PRTG: variants seen among roughly 807,000 people sequenced by gnomAD.
The protein encoded by PRTG is protogenin, also known as immunoglobulin superfamily, DCC subclass, member 5.
A neutral mutation model predicts 122.5 loss-of-function variants in PRTG; 67 were observed. The observed-to-expected ratio is 0.55, with a 90% CI of 0.45 to 0.67. The LOEUF (loss-of-function observed/expected upper bound fraction) is 0.67, where lower values mean the gene tolerates loss of function less well. Among genes scored for constraint, PRTG ranks in the 30% least tolerant of loss-of-function variants. The probability of loss-of-function intolerance (pLI) is 0.00; values close to 1 mark genes in which losing one functional copy is unlikely to be tolerated. For missense variants in PRTG, 1,435 were observed against 1,415.4 expected (o/e 1.01, Z -0.22); for synonymous variants, 554 against 501.1 (o/e 1.11, Z -1.41).
At chr15:55,642,600 A>C (rs1211228586) in intron 11 of PRTG, among the ~76,000 whole-genome samples, 4 of 145,668 alleles carry the variant, frequency 2.7e-5, no homozygotes, top group Non-Finnish European at 6.0e-5. Context: ...TCCATCTCAA[A>C]AAAAAAAAAA....
In PRTG at chr15:55,637,054, A is replaced by C. The variant is rs571074263; in HGVS notation, c.2623+116T>G. ...CCTTTGAACAAAGCCAAAATCTTTT[A>C]TTACTTCATACATAAAAATGTAAAT... On this transcript the variant is annotated intron_variant, in intron 15 of 19. Transcript: ENST00000389286. 13 of 909,058 alleles carry C rather than the reference A, an allele frequency of 1.4e-5. No homozygotes were observed. The Admixed American group carries it at 4.0e-4, about 28-fold the overall frequency. The allele number at this position is 909,058 out of a possible 1,614,324, so 56.3% of individuals were successfully genotyped here. A position where few individuals can be genotyped will look rare whatever the true frequency, so the allele number is the denominator to read the frequency against.
In PRTG at chr15:55,742,991, C is replaced by T; in HGVS notation, c.-60G>A. 1 of 1,391,476 alleles carries T rather than the reference C, an allele frequency of 7.2e-7. No individual in the cohort carries two copies. Among genetic ancestry groups the T allele is most frequent in the Non-Finnish European group, 9.3e-7 (1 of 1,077,048 alleles). 86.2% of individuals were successfully genotyped at this position (1,391,476 alleles called of 1,614,324 possible). ...CCAGAGCCCCTGTCCGTCTGCGGCC[C>T]CCGCCCCGGGCGCTCTCTGCTCTGC... is the stretch of plus-strand genomic sequence containing the variant. On this transcript the variant is annotated 5_prime_UTR_variant, in exon 1 of 20. Coordinates refer to ENST00000389286, the MANE Select transcript of PRTG (RefSeq NM_173814.6).
intron 2 of PRTG, among the ~76,000 whole-genome samples, chr15:55,716,552 T>A (rs1191971572): frequency 1.3e-5 from 2 of 152,196 alleles, no homozygotes; most frequent in African/African-American, 4.8e-5. Flanking sequence ...ATGAAAAACA[T>A]CTTAAAGTCA....
intron 2 of PRTG, among the ~76,000 whole-genome samples, chr15:55,721,865 C>T (rs2030838593): frequency 2.0e-5 from 3 of 152,150 alleles, no homozygotes; most frequent in African/African-American, 7.2e-5. Context: ...TGAGAACTTA[C>T]TCATTATCAC....
chr15:55,686,297 T>C (rs537644947), intron 2 of PRTG, among the ~76,000 whole-genome samples: 1 of 152,300 alleles, frequency 6.6e-6, no homozygotes, highest in African/African-American at 2.4e-5. Flanking sequence ...TTAGTTCTAG[T>C]TGTCACTGAT....
chr15:55,691,111 G>T, intron 2 of PRTG, among the ~76,000 whole-genome samples: 1 of 151,884 alleles, frequency 6.6e-6, no homozygotes, highest in East Asian at 1.9e-4. Flanking sequence ...CCTGGCCAAC[G>T]TGATGAAACC....
At chr15:55,672,417 G>A (rs753402728) in intron 11 of PRTG, 28 bp downstream of exon 11, 2 of 1,560,918 alleles carry the variant, frequency 1.3e-6, no homozygotes, top group South Asian at 2.4e-5. Flanking sequence ...GAAGGAAAAA[G>A]GGAAAAATAC....
chr15:55,697,001 G>A (rs2059635555), intron 2 of PRTG, among the ~76,000 whole-genome samples: 1 of 152,132 alleles, frequency 6.6e-6, no homozygotes, highest in South Asian at 2.1e-4. Context: ...TTCCTATAGT[G>A]CATTCATATT....
chr15:55,712,396 A>C (rs1174714199), intron 2 of PRTG, among the ~76,000 whole-genome samples: 2 of 152,162 alleles, frequency 1.3e-5, no homozygotes, highest in Admixed American at 6.5e-5. Context: ...TTTTCCAGAA[A>C]GCTGTTTCGC....
chr15:55,730,548 C>T (rs1248910106), intron 2 of PRTG, among the ~76,000 whole-genome samples: 2 of 152,112 alleles, frequency 1.3e-5, no homozygotes, highest in African/African-American at 4.8e-5. Context: ...AGCCTGTAAT[C>T]CCAGCACTTT....
intron 17 of PRTG, among the ~76,000 whole-genome samples, chr15:55,626,214 A>C (rs753911432): frequency 6.6e-6 from 1 of 152,150 alleles, no homozygotes; most frequent in Non-Finnish European, 1.5e-5. Context: ...TCAGGAGTTC[A>C]AGACCAGCCT....
intron 2 of PRTG, among the ~76,000 whole-genome samples, chr15:55,692,172 A>G (rs534851132): frequency 6.6e-6 from 1 of 152,332 alleles, no homozygotes; most frequent in South Asian, 2.1e-4. Flanking sequence ...CCTAATAGGA[A>G]TATCAGTTTT....
chr15:55,699,318 T>G (rs1446733626), intron 2 of PRTG, among the ~76,000 whole-genome samples: 1 of 152,168 alleles, frequency 6.6e-6, no homozygotes, highest in East Asian at 1.9e-4. Flanking sequence ...CTGGCACCCC[T>G]TCCAATGAAT....
intron 2 of PRTG, among the ~76,000 whole-genome samples, chr15:55,729,870 C>T (rs975883668): frequency 3.3e-5 from 5 of 152,084 alleles, no homozygotes; most frequent in African/African-American, 4.8e-5. Flanking sequence ...CAACAAATGC[C>T]AAACCCCTAA....
At chr15:55,641,038 C>G in intron 12 of PRTG, 75 bp downstream of exon 12, 2 of 991,114 alleles carry the variant, frequency 2.0e-6, no homozygotes, top group Non-Finnish European at 3.2e-6. Context: ...AGTAGTGAGA[C>G]TGTAACTTAA....
Position 55,672,586 on chromosome 15 carries a change from T to C in PRTG, c.1900A>G (p.Ile634Val), listed in dbSNP as rs1009785970. ...LHLEPLNCTT[I>V]SVRWQQDVED... ...ACATCTTGCTGCCACCTCACAGAAATGGTGGTACAGTTCAGAGGCTCCAAA... is the reference window on the plus strand; with the variant it reads ...ACATCTTGCTGCCACCTCACAGAAACGGTGGTACAGTTCAGAGGCTCCAAA... The change falls in exon 11 of 20, where the codon ATT becomes GTT. Residue 634 changes from isoleucine (I) to valine (V), a missense_variant. Ile to Val is a conservative substitution (Grantham distance 29). Transcript: ENST00000389286. The C allele has an allele frequency of 7.4e-6, 12 of 1,614,000 alleles. 1 individual carries two copies. In the East Asian group the frequency reaches 2.5e-4, roughly 33 times the overall value.
chr15:55,680,380 T>C, intron 5 of PRTG, 111 bp downstream of exon 5: 1 of 1,277,426 alleles, frequency 7.8e-7, no homozygotes, highest in Non-Finnish European at 1.0e-6. Flanking sequence ...AATTAAGACA[T>C]TCAACAGCCA....
chr15:55,645,042 CATA>C (rs1332994821), intron 11 of PRTG, among the ~76,000 whole-genome samples: 1 of 152,136 alleles, frequency 6.6e-6, no homozygotes, highest in Non-Finnish European at 1.5e-5. Context: ...AAAATCTAGT[CATA>C]ATATTATTTT....
intron 11 of PRTG, among the ~76,000 whole-genome samples, chr15:55,650,287 G>A (rs2059346657): frequency 2.0e-5 from 3 of 152,150 alleles, no homozygotes; most frequent in Non-Finnish European, 2.9e-5. Context: ...AGGAATAACC[G>A]CTGCAAAAGA....
Sources: gnomAD v4.1 joint callset for allele counts (sites outside exome capture counted in the v4.1 genomes callset) on GRCh38, gnomAD v4.1.1 for gene constraint, MANE v1.5 for transcripts, NCBI Gene and HGNC (gene_info 2026-07-23, HGNC 2026-07-21) for gene names.